PDILT: variants seen among roughly 807,000 people sequenced by gnomAD.
PDILT encodes protein disulfide-isomerase-like protein of the testis.
In PDILT, 43 loss-of-function variants were observed where a neutral mutation model predicts 53.7. The ratio of observed to expected loss-of-function variants is 0.80; its 90% confidence interval spans 0.63 to 1.03. The LOEUF is 1.03. Among genes scored for constraint, PDILT ranks in the 50% least tolerant of loss-of-function variants. PDILT has a pLI of 0.00. For missense variants in PDILT, 727 were observed against 712.3 expected, an observed-to-expected ratio of 1.02 and a Z score of -0.24; for synonymous variants, 282 against 274.2, an observed-to-expected ratio of 1.03 and a Z score of -0.28.
rs1966215871 is a variant in PDILT at position 20,367,051 on chromosome 16, CTTTCTTTCT to C, written c.1117-1520_1117-1512del. Among the ~76,000 whole-genome samples, 35 of 82,462 alleles carry C rather than the reference CTTTCTTTCT, an allele frequency of 4.2e-4. 1 individual carries two copies. The highest frequency in any genetic ancestry group is 1.5e-3 in the African/African-American group (29 of 18,956). 54.1% of individuals were successfully genotyped at this position (82,462 alleles called of 152,430 possible). A position where few individuals can be genotyped will look rare whatever the true frequency, so the allele number is the denominator to read the frequency against. ...TCTTTCTTTCTTTCTTTCTTTCTTTCTTTCTTTCTTTCTTTCTTTCTTTCTTTCTTTCTT... is the reference window on the plus strand; with the variant it reads ...TCTTTCTTTCTTTCTTTCTTTCTTTCTTCTTTCTTTCTTTCTTTCTTTCTT... On this transcript the variant is annotated intron_variant, in intron 8 of 11. Transcript: ENST00000302451.
intron 8 of PDILT, among the ~76,000 whole-genome samples, chr16:20,367,083 C>A (rs1026819278): frequency 8.6e-6 from 1 of 115,646 alleles, no homozygotes; most frequent in East Asian, 2.2e-4. Context: ...TTCTTTCTTT[C>A]TTTCTTTCTT....
rs559068462 is a variant in PDILT, at chr16:20,362,634, C to T, written c.1238-52G>A. On this transcript the variant is annotated intron_variant, in intron 9 of 11. Transcript: ENST00000302451. ...CTCACATTGATGAAGATCCAGAAAGCTGGCGCCACCCTACACATGGCATCG... is the reference window on the plus strand; with the variant it reads ...CTCACATTGATGAAGATCCAGAAAGTTGGCGCCACCCTACACATGGCATCG... 4.4e-6 allele frequency: 7 copies of T among 1,581,376 alleles called. No homozygotes were observed. The African/African-American group carries it at 6.7e-5, about 15-fold the overall frequency.
At position 20,359,584 on chromosome 16, in the gene PDILT, G is replaced by A. The variant is rs1161675842; in HGVS notation, c.1507-17C>T. 1.2e-6 allele frequency: 2 copies of A among 1,606,990 alleles called. No homozygotes were observed. The highest frequency in any genetic ancestry group is 1.7e-6 in the Non-Finnish European group (2 of 1,174,078). On this transcript the variant is annotated splice_polypyrimidine_tract_variant and intron_variant, in intron 11 of 11. Coordinates refer to ENST00000302451, the MANE Select transcript of PDILT (RefSeq NM_174924.2). ...AGACAACAGCTATGAAAGCAAAGGT[G>A]GAAGGAAGAAGGGAGGGAGGGAAGA...
intron 7 of PDILT, among the ~76,000 whole-genome samples, chr16:20,371,695 C>A (rs1226706473): frequency 6.6e-6 from 1 of 151,706 alleles, no homozygotes; most frequent in African/African-American, 2.4e-5. Flanking sequence ...AAAATAAATA[C>A]CAGGGAGATT....
intron 1 of PDILT, among the ~76,000 whole-genome samples, chr16:20,403,922 C>T (rs1014130036): frequency 2.6e-5 from 4 of 152,116 alleles, no homozygotes; most frequent in Non-Finnish European, 4.4e-5. Flanking sequence ...GGTCCTAGCT[C>T]GAATCCACGC....
intron 8 of PDILT, among the ~76,000 whole-genome samples, chr16:20,367,569 C>T (rs1360315831): frequency 5.3e-5 from 8 of 152,046 alleles, no homozygotes; most frequent in African/African-American, 1.2e-4. Flanking sequence ...TTGGCCTTTG[C>T]GAGGGAGACG....
chr16:20,359,669 C>G (rs544021245), intron 11 of PDILT, 102 bp from the exon 12 acceptor site: 1 of 1,183,824 alleles, frequency 8.4e-7, no homozygotes, highest in African/African-American at 1.5e-5. Flanking sequence ...AATAGTCAAG[C>G]CTACTTTTTC....
Position 20,399,196 on chromosome 16 carries a change from C to G in PDILT, c.105G>C (p.Lys35Asn). The change falls in exon 2 of 12, where the codon AAG becomes AAC. Residue 35 changes from lysine to asparagine, a missense_variant. Lys to Asn is a moderately conservative substitution (Grantham distance 94). Transcript: ENST00000302451. ...NAGVSSIHITKPVHILEERSL... is the reference protein window; with the variant it reads ...NAGVSSIHITNPVHILEERSL... ...TGCGTTCCTCCAGGATGTGCACAGG[C>G]TTGGTTATGTGGATGCTGGAAACAC... The G allele has an allele frequency of 6.2e-7, 1 of 1,614,176 alleles. No individual in the cohort carries two copies. Among genetic ancestry groups the G allele is most frequent in the Middle Eastern group, 1.6e-4 (1 of 6,062 alleles).
chr16:20,386,346 GAGCCAGGGCAGGGGGTCATTGAT>G (rs890553106), intron 2 of PDILT, among the ~76,000 whole-genome samples: 1 of 152,172 alleles, frequency 6.6e-6, no homozygotes, highest in Non-Finnish European at 1.5e-5. Flanking sequence ...AAGGGGGGCT[GAGCCAGGGCAGGGGGTCATTGAT>G]TGCCTTTCAA....
chr16:20,369,754 G>A, intron 7 of PDILT, 65 bp from the exon 8 acceptor site: 1 of 1,517,688 alleles, frequency 6.6e-7, no homozygotes, highest in East Asian at 2.3e-5. Flanking sequence ...ACTGCTGAAA[G>A]GCTGTGGACT....
intron 2 of PDILT, among the ~76,000 whole-genome samples, chr16:20,387,022 T>C (rs1966548272): frequency 6.6e-6 from 1 of 152,202 alleles, no homozygotes; most frequent in East Asian, 1.9e-4. Context: ...GCTAGATTGA[T>C]GGGGCCTATG....
chr16:20,384,812 T>A lies in PDILT; in HGVS notation c.242A>T (p.Glu81Val). The change falls in exon 3 of 12, where the codon GAG becomes GTG. Residue 81 changes from glutamate to valine, a missense_variant. Coordinates refer to ENST00000302451, the MANE Select transcript of PDILT (RefSeq NM_174924.2). ...SSKQSRNLAE[E>V]LGKAVEIMGK... Reference sequence around the variant, plus strand: ...CATGATCTCCACAGCTTTGCCCAGCTCTTCCGCCAAGTTCCTGGATTGCTT... The same window carrying A: ...CATGATCTCCACAGCTTTGCCCAGCACTTCCGCCAAGTTCCTGGATTGCTT... The A allele has an allele frequency of 6.2e-7, 1 of 1,614,176 alleles. No individual in the cohort carries two copies. The highest frequency in any genetic ancestry group is 1.1e-5 in the South Asian group (1 of 91,086).
chr16:20,400,315 TCTGCCTG>T (rs1966721363), intron 1 of PDILT, among the ~76,000 whole-genome samples: 1 of 152,050 alleles, frequency 6.6e-6, no homozygotes, highest in African/African-American at 2.4e-5. Context: ...CCTCAAGTGA[TCTGCCTG>T]CCTCAGCCTC....
chr16:20,385,070 G>C (rs1198069230), intron 2 of PDILT, among the ~76,000 whole-genome samples: 2 of 152,190 alleles, frequency 1.3e-5, no homozygotes, highest in African/African-American at 4.8e-5. Flanking sequence ...AGTAGCATTG[G>C]AAACAACACA....
At chr16:20,391,702 C>T (rs951588711) in intron 2 of PDILT, among the ~76,000 whole-genome samples, 7 of 151,934 alleles carry the variant, frequency 4.6e-5, no homozygotes, top group Admixed American at 4.6e-4. Flanking sequence ...AGATTTGGCC[C>T]CCAACATCAT....
intron 3 of PDILT, among the ~76,000 whole-genome samples, chr16:20,377,958 A>G (rs1966409544): frequency 6.6e-6 from 1 of 152,048 alleles, no homozygotes; most frequent in Non-Finnish European, 1.5e-5. Flanking sequence ...TGTCTTTAAA[A>G]AGAAAAAAAA....
At chr16:20,371,838 A>C (rs1188286952) in intron 7 of PDILT, among the ~76,000 whole-genome samples, 1 of 152,198 alleles carries the variant, frequency 6.6e-6, no homozygotes, top group African/African-American at 2.4e-5. Flanking sequence ...TTGGAAAAAA[A>C]AAGACCCCCA....
Position 20,384,697 on chromosome 16 carries a change from C to A in PDILT, c.357G>T (p.Pro119=). ...TGCCCTCAAAAAACAGCTTCAACTC[C>A]GGGGCCTTGGTAATCCCAAACTCCT... ...LQQEFGITKA[P]ELKLFFEGNR... Residue 119 remains proline (P), a synonymous_variant, in exon 3 of 12, where the codon CCG becomes CCT. Transcript: ENST00000302451. 1 of 1,614,226 alleles carries A rather than the reference C, an allele frequency of 6.2e-7. No individual in the cohort carries two copies. The highest frequency in any genetic ancestry group is 8.5e-7 in the Non-Finnish European group (1 of 1,180,040).
In PDILT at chr16:20,366,977, TTCCTTCCTTC is replaced by T. The variant is rs1567320393; in HGVS notation, c.1117-1447_1117-1438del. The stretch of plus-strand genomic sequence containing the variant: ...CTTCCTTCCTTCCTTCCTTCCTTCC[TTCCTTCCTTC>T]CTTTCTTTCTTTCTTTATTTATTTC... On this transcript the variant is annotated intron_variant, in intron 8 of 11. Transcript: ENST00000302451. Among the ~76,000 whole-genome samples, 222 of 58,748 alleles carry T rather than the reference TTCCTTCCTTC, an allele frequency of 3.8e-3. 9 individuals carry two copies. Among genetic ancestry groups the T allele is most frequent in the South Asian group, 8.1e-3 (21 of 2,582 alleles). The allele number at this position is 58,748 out of a possible 152,430, so 38.5% of individuals were successfully genotyped here.
Sources: allele counts gnomAD v4.1 joint callset (sites outside exome capture counted in the v4.1 genomes callset), GRCh38; gene constraint gnomAD v4.1.1; transcripts MANE v1.5; gene names NCBI Gene and HGNC (gene_info 2026-07-23, HGNC 2026-07-21).